Variants in OSBPL6 observed in about 807,000 individuals in gnomAD.
The protein encoded by OSBPL6 is oxysterol binding protein like 6, also known as oxysterol-binding protein-related protein 6.
OSBPL6 carries 49 observed loss-of-function variants against 125.8 expected under a neutral mutation model. The observed-to-expected ratio is 0.39, with a 90% CI of 0.31 to 0.49. The LOEUF (loss-of-function observed/expected upper bound fraction) is 0.49. Ranked by LOEUF, OSBPL6 falls within the 20% of genes least tolerant of loss-of-function variation. OSBPL6 has a pLI of 0.88. For missense variants in OSBPL6, 986 were observed against 1,135.4 expected, an observed-to-expected ratio of 0.87 and a Z score of 1.89; for synonymous variants, 394 against 391.8, an observed-to-expected ratio of 1.01 and a Z score of -0.07.
chr2:178,320,247 C>T (rs1688122652), intron 3 of OSBPL6: 1 of 1,601,632 alleles, frequency 6.2e-7, no homozygotes. Flanking sequence ...TGGCACATTT[C>T]CACTTGCTGC....
chr2:178,365,192 A>T (rs1196677929), intron 13 of OSBPL6, among the ~76,000 whole-genome samples: 2 of 152,106 alleles, frequency 1.3e-5, no homozygotes, highest in African/African-American at 2.4e-5. Flanking sequence ...TAAATAAATA[A>T]AAAACTTATT....
At chr2:178,333,577 A>G (rs766294420) in intron 8 of OSBPL6, among the ~76,000 whole-genome samples, 3 of 152,140 alleles carry the variant, frequency 2.0e-5, no homozygotes, top group Non-Finnish European at 4.4e-5. Context: ...ATTAGCAGTT[A>G]ATTTTCCCTT....
chr2:178,380,977 C>T (rs1440772521), intron 15 of OSBPL6, among the ~76,000 whole-genome samples: 4 of 152,166 alleles, frequency 2.6e-5, no homozygotes, highest in Non-Finnish European at 4.4e-5. Flanking sequence ...CAAAATGTTA[C>T]GTGGTTTCCT....
chr2:178,312,978 C>T (rs779446222), intron 3 of OSBPL6, among the ~76,000 whole-genome samples: 1 of 151,982 alleles, frequency 6.6e-6, no homozygotes, highest in Non-Finnish European at 1.5e-5. Flanking sequence ...TCACTGCAAC[C>T]TCCGCCACCC....
intron 1 of OSBPL6, among the ~76,000 whole-genome samples, chr2:178,283,826 G>A (rs891746080): frequency 6.6e-6 from 1 of 151,842 alleles, no homozygotes; most frequent in African/African-American, 2.4e-5. Context: ...GAGGAAGCAA[G>A]AGAGAGAGAG....
At chr2:178,347,670 A>T (rs372040571) in intron 11 of OSBPL6, among the ~76,000 whole-genome samples, 87 of 152,298 alleles carry the variant, frequency 5.7e-4, no homozygotes, top group Middle Eastern at 3.4e-3. Context: ...ATTGAACCCC[A>T]GCACTCCATT....
At chr2:178,200,247 C>CTTTTTTT (rs767677596) in intron 1 of OSBPL6, among the ~76,000 whole-genome samples, 10 of 109,732 alleles carry the variant, frequency 9.1e-5, no homozygotes, top group African/African-American at 1.1e-4. Context: ...TTCTTCAGAC[C>CTTTTTTT]TTTTTTTTTT....
chr2:178,218,087 T>A (rs1160929920), intron 1 of OSBPL6, among the ~76,000 whole-genome samples: 3 of 152,290 alleles, frequency 2.0e-5, no homozygotes, highest in Middle Eastern at 6.8e-3. Flanking sequence ...TTAAAATAAA[T>A]TTTTTAAGGT....
At chr2:178,221,261 A>G (rs2090327529) in intron 1 of OSBPL6, among the ~76,000 whole-genome samples, 1 of 152,238 alleles carries the variant, frequency 6.6e-6, no homozygotes, top group Non-Finnish European at 1.5e-5. Context: ...TTGAATAAAA[A>G]TAAAGAATTT....
intron 11 of OSBPL6, among the ~76,000 whole-genome samples, chr2:178,348,092 C>G (rs1690897582): frequency 6.6e-6 from 1 of 152,104 alleles, no homozygotes; most frequent in South Asian, 2.1e-4. Context: ...AGAAAAAGTG[C>G]CCTCTTCTCC....
chr2:178,204,014 T>C (rs1245273907), intron 1 of OSBPL6, among the ~76,000 whole-genome samples: 1 of 149,004 alleles, frequency 6.7e-6, no homozygotes, highest in Non-Finnish European at 1.5e-5. Flanking sequence ...AATTCTTTTC[T>C]TTTTCTTTTT....
chr2:178,258,494 C>T (rs796677012), intron 1 of OSBPL6, among the ~76,000 whole-genome samples: 8 of 152,272 alleles, frequency 5.3e-5, no homozygotes, highest in African/African-American at 1.7e-4. Flanking sequence ...CACTCAGCCA[C>T]GACAATTATT....
Position 178,205,100 on chromosome 2 carries a change from G to A in OSBPL6, c.-351+10426G>A, listed in dbSNP as rs570655251. On this transcript the variant is annotated intron_variant, in intron 1 of 24. Coordinates refer to ENST00000190611, the MANE Select transcript of OSBPL6 (RefSeq NM_032523.4). The stretch of plus-strand genomic sequence containing the variant: ...GCCAAGCTCCTGCAGTTTGTAAATT[G>A]TATAATCAGATTTCAAACCCAGTTT... Among the ~76,000 whole-genome samples, 9 of 152,218 alleles carry A rather than the reference G, an allele frequency of 5.9e-5. No homozygotes were observed. In the East Asian group the frequency reaches 1.7e-3, roughly 29 times the overall value.
chr2:178,196,465 A>C (rs2153925980), intron 1 of OSBPL6, among the ~76,000 whole-genome samples: 1 of 152,296 alleles, frequency 6.6e-6, no homozygotes, highest in Admixed American at 6.5e-5. Context: ...GCGGTACCTC[A>C]GTTTCAGATT....
chr2:178,400,422 G>A lies in OSBPL6; in HGVS notation c.*4863G>A, dbSNP rs1458675325. ...GTGCCTCAGCCTCCCGAGTAGCTGGGTTTACAGGCGTGTGCCACCCACCTA... is the reference window on the plus strand; with the variant it reads ...GTGCCTCAGCCTCCCGAGTAGCTGGATTTACAGGCGTGTGCCACCCACCTA... On this transcript the variant is annotated 3_prime_UTR_variant, in exon 25 of 25. Coordinates refer to ENST00000190611, the MANE Select transcript of OSBPL6 (RefSeq NM_032523.4). The A allele has an allele frequency of 6.6e-6, 1 of 152,004 alleles. No homozygotes were observed. Among genetic ancestry groups the A allele is most frequent in the African/African-American group, 2.4e-5 (1 of 41,376 alleles). The allele number at this position is 152,004 out of a possible 1,614,324, so 9.4% of individuals were successfully genotyped here. A position where few individuals can be genotyped will look rare whatever the true frequency, so the allele number is the denominator to read the frequency against.
intron 19 of OSBPL6, 40 bp downstream of exon 19, chr2:178,385,561 C>G (rs370224659): frequency 3.4e-6 from 5 of 1,463,582 alleles, no homozygotes; most frequent in Non-Finnish European, 4.8e-6. Flanking sequence ...AATGTATGAG[C>G]CTATGAAAAA....
chr2:178,315,006 C>T (rs1240032135), intron 3 of OSBPL6, among the ~76,000 whole-genome samples: 1 of 152,188 alleles, frequency 6.6e-6, no homozygotes, highest in African/African-American at 2.4e-5. Context: ...AGTAATTTTT[C>T]ACATCCTTGA....
At chr2:178,294,867 C>CTT (rs35140268) in intron 2 of OSBPL6, among the ~76,000 whole-genome samples, 11 of 133,690 alleles carry the variant, frequency 8.2e-5, no homozygotes, top group African/African-American at 1.9e-4. Flanking sequence ...TCACCATTAG[C>CTT]TTTTTTTTTT....
At chr2:178,350,711 G>A (rs1691175196) in intron 12 of OSBPL6, among the ~76,000 whole-genome samples, 2 of 152,128 alleles carry the variant, frequency 1.3e-5, no homozygotes, top group Admixed American at 1.3e-4. Context: ...TTAGACTAGA[G>A]CAATATTAAT....
Sources: allele counts gnomAD v4.1 joint callset (sites outside exome capture counted in the v4.1 genomes callset), GRCh38; gene constraint gnomAD v4.1.1; transcripts MANE v1.5; gene names NCBI Gene and HGNC (gene_info 2026-07-23, HGNC 2026-07-21).